The following CELF4 variants were observed in gnomAD, a reference collection of about 807,000 sequenced individuals.
CELF4 encodes CUGBP Elav-like family member 4.
In CELF4, 18 loss-of-function variants were observed where a neutral mutation model predicts 59.9. That is an observed-to-expected ratio of 0.30 (90% confidence interval 0.21 to 0.45). The LOEUF (loss-of-function observed/expected upper bound fraction) is 0.45. Among genes scored for constraint, CELF4 ranks in the 20% least tolerant of loss-of-function variants. The pLI, the probability that CELF4 is intolerant of heterozygous loss-of-function variation, is 1.00. For missense variants in CELF4, 456 were observed against 689.0 expected, an observed-to-expected ratio of 0.66 and a Z score of 3.79; for synonymous variants, 261 against 267.1, an observed-to-expected ratio of 0.98 and a Z score of 0.22.
At chr18:37,458,004 T>C (rs1012655618) in intron 2 of CELF4, among the ~76,000 whole-genome samples, 1 of 151,562 alleles carries the variant, frequency 6.6e-6, no homozygotes, top group African/African-American at 2.4e-5. Context: ...GTTGGCAGAG[T>C]GGGTGGGTGG....
chr18:37,313,039 G>C (rs1228276911), intron 3 of CELF4, among the ~76,000 whole-genome samples: 3 of 152,222 alleles, frequency 2.0e-5, no homozygotes, highest in African/African-American at 7.2e-5. Context: ...CAGGTGGGCA[G>C]GTGAGGGTGG....
chr18:37,491,981 G>A (rs2099907223), intron 1 of CELF4, among the ~76,000 whole-genome samples: 1 of 152,206 alleles, frequency 6.6e-6, no homozygotes, highest in Non-Finnish European at 1.5e-5. Context: ...GAACAGGGCC[G>A]AAGCCTGGGG....
chr18:37,334,602 C>G (rs967718740), intron 2 of CELF4, among the ~76,000 whole-genome samples: 4 of 152,066 alleles, frequency 2.6e-5, no homozygotes, highest in African/African-American at 7.2e-5. Context: ...TCCCTTCCCC[C>G]TCCAAGCCCT....
chr18:37,532,368 A>G (rs1276058207), intron 1 of CELF4, among the ~76,000 whole-genome samples: 6 of 152,206 alleles, frequency 3.9e-5, no homozygotes, highest in African/African-American at 9.7e-5. Context: ...TTTGGAGGGC[A>G]GGGACTGCAT....
At chr18:37,400,741 G>A (rs552265683) in intron 2 of CELF4, among the ~76,000 whole-genome samples, 15 of 152,214 alleles carry the variant, frequency 9.9e-5, no homozygotes, top group African/African-American at 2.2e-4. Context: ...AATGAATGCC[G>A]TTCATGGGAA....
intron 2 of CELF4, among the ~76,000 whole-genome samples, chr18:37,356,148 A>G (rs1360154676): frequency 6.6e-6 from 1 of 152,166 alleles, no homozygotes; most frequent in Non-Finnish European, 1.5e-5. Flanking sequence ...TCCATTTTCT[A>G]TTAGGAACCA....
intron 2 of CELF4, among the ~76,000 whole-genome samples, chr18:37,394,609 C>T (rs1158276814): frequency 1.3e-5 from 2 of 152,212 alleles, no homozygotes; most frequent in South Asian, 2.1e-4. Context: ...ATTAGAGACA[C>T]AGATGTCTTC....
At chr18:37,523,651 T>C (rs977629805) in intron 1 of CELF4, among the ~76,000 whole-genome samples, 1 of 152,168 alleles carries the variant, frequency 6.6e-6, no homozygotes, top group Non-Finnish European at 1.5e-5. Flanking sequence ...GGAATGGGTC[T>C]TGGGGAGGGC....
At chr18:37,356,942 GA>G (rs1198883454) in intron 2 of CELF4, among the ~76,000 whole-genome samples, 1 of 152,128 alleles carries the variant, frequency 6.6e-6, no homozygotes, top group Non-Finnish European at 1.5e-5. Flanking sequence ...TCCTCTCCCA[GA>G]GGCCTGTACT....
At chr18:37,274,549 G>A (rs1167001845) in intron 5 of CELF4, 95 bp from the exon 6 acceptor site, 3 of 1,594,870 alleles carry the variant, frequency 1.9e-6, no homozygotes, top group Non-Finnish European at 2.6e-6. Flanking sequence ...CCCGCTCCTC[G>A]GGGCGCTTTG....
intron 2 of CELF4, among the ~76,000 whole-genome samples, chr18:37,326,209 C>T (rs1336750960): frequency 6.6e-6 from 1 of 152,086 alleles, no homozygotes; most frequent in African/African-American, 2.4e-5. Context: ...AGGGCGAGGG[C>T]AAGGGAGAGC....
chr18:37,279,947 A>G (rs1171175442), intron 3 of CELF4, among the ~76,000 whole-genome samples: 1 of 152,206 alleles, frequency 6.6e-6, no homozygotes, highest in African/African-American at 2.4e-5. Flanking sequence ...TGCTGCTGCC[A>G]TCTGCTCTTT....
intron 2 of CELF4, among the ~76,000 whole-genome samples, chr18:37,476,462 G>A (rs984044544): frequency 2.6e-5 from 4 of 152,160 alleles, no homozygotes; most frequent in Non-Finnish European, 4.4e-5. Context: ...AGTAAACTAC[G>A]GCGCCCTAGA....
intron 3 of CELF4, among the ~76,000 whole-genome samples, chr18:37,314,139 T>G (rs1426265334): frequency 6.6e-6 from 1 of 150,860 alleles, no homozygotes; most frequent in African/African-American, 2.4e-5. Context: ...GATGCAGGAG[T>G]GCAGGGAGGG....
chr18:37,471,050 T>C (rs1196246523), intron 2 of CELF4, among the ~76,000 whole-genome samples: 1 of 152,122 alleles, frequency 6.6e-6, no homozygotes, highest in Non-Finnish European at 1.5e-5. Flanking sequence ...GACTTTCTCA[T>C]TCAGGTGCAA....
chr18:37,275,647 T>C, intron 3 of CELF4: 1 of 199,684 alleles, frequency 5.0e-6, no homozygotes, highest in South Asian at 9.1e-5. Context: ...CTCTACAGGC[T>C]CCAAAATGAA....
chr18:37,516,151 A>C (rs2099950398), intron 1 of CELF4, among the ~76,000 whole-genome samples: 1 of 152,186 alleles, frequency 6.6e-6, no homozygotes, highest in African/African-American at 2.4e-5. Flanking sequence ...AATATTATTT[A>C]CTGGCTTCTC....
At chr18:37,440,703 G>A (rs1021790747) in intron 2 of CELF4, among the ~76,000 whole-genome samples, 1 of 152,184 alleles carries the variant, frequency 6.6e-6, no homozygotes, top group Non-Finnish European at 1.5e-5. Context: ...CTGGAGGGGA[G>A]AGCGAGGATA....
intron 2 of CELF4, among the ~76,000 whole-genome samples, chr18:37,322,446 A>C (rs2097156561): frequency 6.6e-6 from 1 of 152,220 alleles, no homozygotes; most frequent in African/African-American, 2.4e-5. Context: ...CTGGGGCTCC[A>C]TATTGCAGCC....
Sources: gnomAD v4.1 joint callset for allele counts (sites outside exome capture counted in the v4.1 genomes callset) on GRCh38, gnomAD v4.1.1 for gene constraint, MANE v1.5 for transcripts, NCBI Gene and HGNC (gene_info 2026-07-23, HGNC 2026-07-21) for gene names.